Variants in FMO4 observed in about 807,000 individuals in gnomAD.
FMO4 encodes dimethylaniline monooxygenase [N-oxide-forming] 4.
A neutral mutation model predicts 43.3 loss-of-function variants in FMO4; 38 were observed. That is an observed-to-expected ratio of 0.88 (90% CI 0.68 to 1.15). FMO4 has a LOEUF of 1.15. FMO4 is among the 50% of genes most tolerant of loss of function. The pLI, the probability that FMO4 is intolerant of heterozygous loss-of-function variation, is 0.00. For missense variants in FMO4, 631 were observed against 663.3 expected, an observed-to-expected ratio of 0.95 and a Z score of 0.54; for synonymous variants, 224 against 232.2, an observed-to-expected ratio of 0.96 and a Z score of 0.32.
intron 6 of FMO4, among the ~76,000 whole-genome samples, chr1:171,332,053 C>T (rs1243950171): frequency 6.6e-6 from 1 of 152,182 alleles, no homozygotes; most frequent in Non-Finnish European, 1.5e-5. Context: ...TTCAGGAGTG[C>T]TTCCTTCAGA....
chr1:171,320,877 T>C (rs1444209575), intron 3 of FMO4, among the ~76,000 whole-genome samples: 1 of 151,888 alleles, frequency 6.6e-6, no homozygotes, highest in Non-Finnish European at 1.5e-5. Context: ...AAGTACTAAA[T>C]GCTATAGGGG....
At chr1:171,321,325 G>GT (rs1220541103) in intron 3 of FMO4, among the ~76,000 whole-genome samples, 1 of 152,126 alleles carries the variant, frequency 6.6e-6, no homozygotes, top group African/African-American at 2.4e-5. Context: ...TATATATACA[G>GT]TTGTCTCTTG....
rs566140379 is a variant in FMO4 at position 171,319,473 on chromosome 1, C to T, written c.-8-345C>T. ...GTTCTCATTTAGGGCTGTAGGTTTC[C>T]AGGCTTGAGGGTGGGGCGTTTGCCA... On this transcript the variant is annotated intron_variant, in intron 2 of 9. Transcript: ENST00000367749. Among the ~76,000 whole-genome samples the T allele has an allele frequency of 5.4e-4, 82 of 152,252 alleles. 1 individual carries two copies. Among genetic ancestry groups the T allele is most frequent in the South Asian group, 1.0e-3 (5 of 4,828 alleles).
At chr1:171,334,253 A>T (rs1284302643) in intron 7 of FMO4, among the ~76,000 whole-genome samples, 158 bp from the exon 8 acceptor site, 1 of 152,234 alleles carries the variant, frequency 6.6e-6, no homozygotes, top group South Asian at 2.1e-4. Context: ...AAACCATGTT[A>T]TAAACATACT....
In FMO4 at chr1:171,332,661, A is replaced by T. The variant is rs367735972; in HGVS notation, c.628-48A>T. 8.6e-6 allele frequency: 13 copies of T among 1,505,780 alleles called. No homozygotes were observed. The African/African-American group carries it at 1.8e-4, about 21-fold the overall frequency. The allele number at this position is 1,505,780 out of a possible 1,614,324, so 93.3% of individuals were successfully genotyped here. A position where few individuals can be genotyped will look rare whatever the true frequency, so the allele number is the denominator to read the frequency against. On this transcript the variant is annotated intron_variant, in intron 6 of 9. Coordinates refer to ENST00000367749, the MANE Select transcript of FMO4 (RefSeq NM_002022.3). ...GAAACACACTGATGAAAAATACTAC[A>T]AAATGATGAACATTTATTTATCCTT...
chr1:171,341,925 C>G lies in FMO4; in HGVS notation c.*86C>G, dbSNP rs1663394652. ...ATCCCTCCTCTGCTCTCCATCATAA[C>G]TGCTATTAGCCAAATTCAGGCCCAG... On this transcript the variant is annotated 3_prime_UTR_variant, in exon 10 of 10. Transcript: ENST00000367749. The G allele has an allele frequency of 9.6e-7, 1 of 1,045,550 alleles. No homozygotes were observed. The highest frequency in any genetic ancestry group is 1.4e-6 in the Non-Finnish European group (1 of 722,656). 64.8% of individuals were successfully genotyped at this position (1,045,550 alleles called of 1,614,324 possible). A position where few individuals can be genotyped will look rare whatever the true frequency, so the allele number is the denominator to read the frequency against.
chr1:171,328,837 C>T (rs1478334683), intron 5 of FMO4, among the ~76,000 whole-genome samples: 5 of 152,082 alleles, frequency 3.3e-5, no homozygotes, highest in African/African-American at 1.2e-4. Flanking sequence ...GCTTGTCCTT[C>T]CGTTGCCCCT....
At chr1:171,339,889 A>C (rs112304338) in intron 9 of FMO4, among the ~76,000 whole-genome samples, 3 of 152,206 alleles carry the variant, frequency 2.0e-5, no homozygotes, top group Non-Finnish European at 4.4e-5. Flanking sequence ...CCCAATTGAG[A>C]AGATTTACAA....
Position 171,337,458 on chromosome 1 carries a change from AC to A in FMO4, c.1250+34del, listed in dbSNP as rs749966035. 3 of 1,391,696 alleles carry A rather than the reference AC, an allele frequency of 2.2e-6. No individual in the cohort carries two copies. In the South Asian group the frequency reaches 3.5e-5, roughly 16 times the overall value. 86.2% of individuals were successfully genotyped at this position (1,391,696 alleles called of 1,614,324 possible). ...ATGTAGCTTGCTCTAGGGCAAACTTACAGTATATTCTGTTACAAAAAAAGGA... is the reference window on the plus strand; with the variant it reads ...ATGTAGCTTGCTCTAGGGCAAACTTAAGTATATTCTGTTACAAAAAAAGGA... On this transcript the variant is annotated intron_variant, in intron 9 of 9. Transcript: ENST00000367749.
intron 5 of FMO4, among the ~76,000 whole-genome samples, chr1:171,329,197 C>G (rs1662800344): frequency 6.6e-6 from 1 of 151,960 alleles, no homozygotes; most frequent in Admixed American, 6.6e-5. Flanking sequence ...TCTTTCTGAA[C>G]TGGCCCCAAT....
Position 171,334,538 on chromosome 1 carries a change from G to T in FMO4, c.955G>T (p.Glu319Ter). The change falls in exon 8 of 10, where the codon GAA (glutamate) becomes TAA (stop). Residue 319 changes from glutamate (E) to a stop codon, truncating the protein, a stop_gained. Transcript: ENST00000367749. LOFTEE classifies it high-confidence loss of function. Reference sequence around the variant, plus strand: ...TGTCTTTGAAGATGGGACAGTGGAAGAAAACATTGATGTTGTGATCTTCAC... The same window carrying T: ...TGTCTTTGAAGATGGGACAGTGGAATAAAACATTGATGTTGTGATCTTCAC... ...SAVFEDGTVE[E>*]NIDVVIFTTG... 3 of 1,613,802 alleles carry T rather than the reference G, an allele frequency of 1.9e-6. No individual in the cohort carries two copies. Among genetic ancestry groups the T allele is most frequent in the Non-Finnish European group, 2.5e-6 (3 of 1,179,732 alleles).
chr1:171,333,746 G>A (rs1052836129), intron 7 of FMO4, among the ~76,000 whole-genome samples: 1 of 152,132 alleles, frequency 6.6e-6, no homozygotes, highest in African/African-American at 2.4e-5. Flanking sequence ...GGCAAAGGAT[G>A]ATTTGATATG....
At chr1:171,333,426 G>T (rs928337233) in intron 7 of FMO4, among the ~76,000 whole-genome samples, 1 of 152,050 alleles carries the variant, frequency 6.6e-6, no homozygotes, top group African/African-American at 2.4e-5. Flanking sequence ...GTTTCACCAT[G>T]TTGGCCAGGC....
intron 9 of FMO4, among the ~76,000 whole-genome samples, chr1:171,338,034 C>T (rs1445726039): frequency 6.6e-6 from 1 of 152,290 alleles, no homozygotes; most frequent in East Asian, 1.9e-4. Context: ...CCTCCGCCCC[C>T]CATCTGCCCT....
In FMO4 at chr1:171,319,815, C is replaced by T. The variant is rs367990395; in HGVS notation, c.-8-3C>T. 100 of 1,613,020 alleles carry T rather than the reference C, an allele frequency of 6.2e-5. No homozygotes were observed. The highest frequency in any genetic ancestry group is 8.2e-5 in the Non-Finnish European group (97 of 1,179,448). On this transcript the variant is annotated splice_polypyrimidine_tract_variant and splice_region_variant and intron_variant, in intron 2 of 9. Coordinates refer to ENST00000367749, the MANE Select transcript of FMO4 (RefSeq NM_002022.3). ...GAAGTTCTGCTTGACTTTCCTCTAA[C>T]AGAGCATACCATGGCCAAGAAAGTT...
Position 171,323,156 on chromosome 1 carries a change from T to A in FMO4, c.285T>A (p.Ala95=). 3 of 1,613,756 alleles carry A rather than the reference T, an allele frequency of 1.9e-6. No individual in the cohort carries two copies. The highest frequency in any genetic ancestry group is 2.5e-6 in the Non-Finnish European group (3 of 1,179,712). Reference sequence around the variant, plus strand: ...TTTGGGACTATCTCCAAGAATTTGCTGAGCACTTTGACCTCCTGAAATACA... The same window carrying A: ...TTTGGGACTATCTCCAAGAATTTGCAGAGCACTTTGACCTCCTGAAATACA... ...EKFWDYLQEF[A]EHFDLLKYIQ... is the part of the protein sequence containing the mutation. Residue 95 remains alanine (A), a synonymous_variant, in exon 4 of 10, where the codon GCT becomes GCA. Transcript: ENST00000367749.
intron 5 of FMO4, 148 bp from the exon 6 acceptor site, chr1:171,331,492 T>C (rs1662896996): frequency 3.0e-6 from 2 of 661,164 alleles, no homozygotes; most frequent in Admixed American, 2.7e-5. Flanking sequence ...AGGGAGGTTA[T>C]ATGCTTTTTC....
chr1:171,331,793 T>A lies in FMO4; in HGVS notation c.627+11T>A, dbSNP rs192502996. ...CGAACGGCAGCTCAGGTACATCATC[T>A]CTGAATTAATGCCCCTAATCCCATC... is the stretch of plus-strand genomic sequence containing the variant. On this transcript the variant is annotated intron_variant, in intron 6 of 9. Coordinates refer to ENST00000367749, the MANE Select transcript of FMO4 (RefSeq NM_002022.3). 5.6e-4 allele frequency: 897 copies of A among 1,612,544 alleles called. No homozygotes were observed. Among genetic ancestry groups the A allele is most frequent in the Non-Finnish European group, 7.2e-4 (844 of 1,178,800 alleles).
Position 171,323,430 on chromosome 1 carries a change from G to A in FMO4, c.321+238G>A, listed in dbSNP as rs551974724. Among the ~76,000 whole-genome samples the A allele has an allele frequency of 3.0e-4, 45 of 152,248 alleles. 1 individual carries two copies. The East Asian group carries it at 7.2e-3, about 24-fold the overall frequency. ...TGTAATCGCAATACTTTGGAAGGCCGAGGCAGGCAGATCACTTGAGGTCAG... is the reference window on the plus strand; with the variant it reads ...TGTAATCGCAATACTTTGGAAGGCCAAGGCAGGCAGATCACTTGAGGTCAG... On this transcript the variant is annotated intron_variant, in intron 4 of 9. Coordinates refer to ENST00000367749, the MANE Select transcript of FMO4 (RefSeq NM_002022.3).
Sources: gnomAD v4.1 joint callset for allele counts (sites outside exome capture counted in the v4.1 genomes callset) on GRCh38, gnomAD v4.1.1 for gene constraint, MANE v1.5 for transcripts, NCBI Gene and HGNC (gene_info 2026-07-23, HGNC 2026-07-21) for gene names.